The following MIPOL1 variants were observed in gnomAD, a reference collection of about 807,000 sequenced individuals.
The protein encoded by MIPOL1 is mirror-image polydactyly 1.
MIPOL1 carries 57 observed loss-of-function variants against 60.9 expected under a neutral mutation model. The ratio of observed to expected loss-of-function variants is 0.94; its 90% CI spans 0.76 to 1.17. MIPOL1 has a LOEUF of 1.17. Among genes scored for constraint, MIPOL1 ranks in the 50% most tolerant of loss-of-function variants. The pLI is 0.00. For missense variants in MIPOL1, 551 were observed against 511.6 expected, an observed-to-expected ratio of 1.08 and a Z score of -0.74; for synonymous variants, 179 against 168.8, an observed-to-expected ratio of 1.06 and a Z score of -0.47.
At chr14:37,490,139 G>T (rs183872042) in intron 11 of MIPOL1, among the ~76,000 whole-genome samples, 48 of 152,250 alleles carry the variant, frequency 3.2e-4, no homozygotes, top group African/African-American at 1.1e-3. Context: ...TTTTTCCAGA[G>T]ATGCCCTGCC....
At chr14:37,427,572 T>C (rs2093987174) in intron 11 of MIPOL1, among the ~76,000 whole-genome samples, 2 of 152,212 alleles carry the variant, frequency 1.3e-5, no homozygotes, top group African/African-American at 4.8e-5. Context: ...GTAAATTTTA[T>C]GTTGTCATTT....
chr14:37,377,567 T>A (rs890634306), intron 10 of MIPOL1, among the ~76,000 whole-genome samples: 1 of 152,076 alleles, frequency 6.6e-6, no homozygotes, highest in South Asian at 2.1e-4. Context: ...TTTTCTATTA[T>A]TTACTGCCAA....
chr14:37,493,805 T>C (rs1460648768), intron 11 of MIPOL1, among the ~76,000 whole-genome samples: 3 of 152,330 alleles, frequency 2.0e-5, no homozygotes, highest in East Asian at 1.9e-4. Flanking sequence ...AGTTGCACTA[T>C]TGATTACATG....
At chr14:37,486,296 T>C (rs936712082) in intron 11 of MIPOL1, among the ~76,000 whole-genome samples, 17 of 152,212 alleles carry the variant, frequency 1.1e-4, no homozygotes, top group African/African-American at 3.9e-4. Context: ...TTCTTTTTGC[T>C]TAGGATTGTC....
intron 6 of MIPOL1, among the ~76,000 whole-genome samples, chr14:37,283,890 A>G (rs182242217): frequency 2.0e-5 from 3 of 152,300 alleles, no homozygotes; most frequent in Admixed American, 6.5e-5. Context: ...ACTGTTTTCC[A>G]TACTATGCAA....
intron 12 of MIPOL1, among the ~76,000 whole-genome samples, chr14:37,545,351 A>G (rs2095543477): frequency 6.6e-6 from 1 of 152,182 alleles, no homozygotes; most frequent in Non-Finnish European, 1.5e-5. Context: ...GGATTCATGT[A>G]GTGCTATGAG....
chr14:37,343,273 C>G (rs931736455), intron 9 of MIPOL1, among the ~76,000 whole-genome samples: 1 of 151,926 alleles, frequency 6.6e-6, no homozygotes, highest in Non-Finnish European at 1.5e-5. Context: ...TTTGAAGAAA[C>G]AAGTTACGTT....
At chr14:37,422,761 T>C in intron 10 of MIPOL1, 94 bp from the exon 11 acceptor site, 1 of 731,146 alleles carries the variant, frequency 1.4e-6, no homozygotes, top group Non-Finnish European at 2.2e-6. Context: ...TTTTTTTAAC[T>C]GTCAGTAATT....
At chr14:37,294,671 C>T (rs948032376) in intron 7 of MIPOL1, among the ~76,000 whole-genome samples, 6 of 152,058 alleles carry the variant, frequency 3.9e-5, no homozygotes, top group East Asian at 1.9e-4. Context: ...GCACAAGCCT[C>T]AGTAACCGAT....
chr14:37,356,883 G>T (rs1025733880), intron 9 of MIPOL1, among the ~76,000 whole-genome samples: 1 of 152,176 alleles, frequency 6.6e-6, no homozygotes, highest in Non-Finnish European at 1.5e-5. Context: ...CGGCCACGCT[G>T]GGAGCTGTAG....
chr14:37,384,479 CT>C (rs768086548), intron 10 of MIPOL1, among the ~76,000 whole-genome samples: 1 of 151,630 alleles, frequency 6.6e-6, no homozygotes, highest in African/African-American at 2.4e-5. Flanking sequence ...GCAGACATCT[CT>C]TTATTTAAAG....
chr14:37,339,133 TAAAA>T (rs1276453205), intron 9 of MIPOL1, among the ~76,000 whole-genome samples: 2 of 152,136 alleles, frequency 1.3e-5, no homozygotes, highest in Non-Finnish European at 2.9e-5. Context: ...AAATTGATAA[TAAAA>T]AGATACGCAA....
At chr14:37,285,261 G>A (rs1346028441) in intron 6 of MIPOL1, 57 bp from the exon 7 acceptor site, 4 of 1,594,882 alleles carry the variant, frequency 2.5e-6, no homozygotes, top group African/African-American at 2.7e-5. Flanking sequence ...TTTGCTAAAG[G>A]TATACATTTG....
intron 1 of MIPOL1, chr14:37,219,562 C>T (rs1275714468): frequency 6.6e-6 from 1 of 152,126 alleles, no homozygotes; most frequent in East Asian, 1.9e-4. Context: ...GGAACGAGGT[C>T]TCACTATATT....
intron 1 of MIPOL1, among the ~76,000 whole-genome samples, chr14:37,223,393 G>A (rs1361380700): frequency 6.6e-6 from 1 of 151,938 alleles, no homozygotes; most frequent in Non-Finnish European, 1.5e-5. Flanking sequence ...ATAATATTTT[G>A]TTTATGGGTT....
chr14:37,434,669 G>A (rs542713665), intron 11 of MIPOL1: 1 of 152,020 alleles, frequency 6.6e-6, no homozygotes, highest in Non-Finnish European at 1.5e-5. Context: ...CGACTTCCCA[G>A]TGTTGGGATT....
intron 11 of MIPOL1, among the ~76,000 whole-genome samples, chr14:37,447,571 G>A (rs181368214): frequency 6.6e-6 from 1 of 152,074 alleles, no homozygotes; most frequent in Non-Finnish European, 1.5e-5. Context: ...GCACTGAAAT[G>A]CTTTATAGTT....
chr14:37,367,006 A>G (rs1368487880), intron 9 of MIPOL1, among the ~76,000 whole-genome samples: 2 of 152,042 alleles, frequency 1.3e-5, no homozygotes, highest in South Asian at 2.1e-4. Context: ...TGACAAATTT[A>G]ACAATTAAAA....
intron 12 of MIPOL1, among the ~76,000 whole-genome samples, chr14:37,514,247 G>A (rs534105140): frequency 2.6e-5 from 4 of 152,140 alleles, no homozygotes; most frequent in African/African-American, 7.2e-5. Context: ...CACTTGACAG[G>A]CTACATAGCT....
Sources: gnomAD v4.1 joint callset for allele counts (sites outside exome capture counted in the v4.1 genomes callset) on GRCh38, gnomAD v4.1.1 for gene constraint, MANE v1.5 for transcripts, NCBI Gene and HGNC (gene_info 2026-07-23, HGNC 2026-07-21) for gene names.